The following GPAT3 variants were observed in gnomAD, a reference collection of about 807,000 sequenced individuals.
GPAT3 encodes the protein glycerol-3-phosphate acyltransferase 3.
GPAT3 carries 53 observed loss-of-function variants against 58.8 expected under a neutral mutation model. That is an observed-to-expected ratio of 0.90 (90% CI 0.72 to 1.13). The LOEUF (loss-of-function observed/expected upper bound fraction) is 1.13, where lower values mean the gene tolerates loss of function less well. Among genes scored for constraint, GPAT3 ranks in the 50% most tolerant of loss-of-function variants. The pLI is 0.00. For synonymous variants in GPAT3, 197 were observed against 187.4 expected (o/e 1.05, Z -0.42); for missense variants, 511 against 527.6 (o/e 0.97, Z 0.31).
chr4:83,538,701 C>T lies in GPAT3; in HGVS notation c.141+1938C>T, dbSNP rs142632918. Among the ~76,000 whole-genome samples, 962 of 152,274 alleles carry T rather than the reference C, an allele frequency of 6.3e-3. 5 individuals are homozygous for T. The highest frequency in any genetic ancestry group is 0.011 in the Non-Finnish European group (734 of 68,016). On this transcript the variant is annotated intron_variant, in intron 1 of 11. Transcript: ENST00000264409. The stretch of plus-strand genomic sequence containing the variant: ...ATTATTATACCTGATAGGATGATCT[C>T]CAGTCCAGGATCTGACTTTCAGTTT...
At position 83,604,952 on chromosome 4, in the gene GPAT3, A is replaced by T. The variant is rs1387754715; in HGVS notation, c.*185A>T. The T allele has an allele frequency of 1.8e-6, 1 of 550,820 alleles. No homozygotes were observed. The highest frequency in any genetic ancestry group is 3.1e-5 in the East Asian group (1 of 32,670). The allele number at this position is 550,820 out of a possible 1,614,324, so 34.1% of individuals were successfully genotyped here. ...CCTTTTTGGCTTTTGTTGTTGTTGT[A>T]ACATTAGCCCCATGGATTGTAAGGT... On this transcript the variant is annotated 3_prime_UTR_variant, in exon 12 of 12. Coordinates refer to ENST00000264409, the MANE Select transcript of GPAT3 (RefSeq NM_032717.5).
chr4:83,537,276 T>C (rs1724133633), intron 1 of GPAT3, among the ~76,000 whole-genome samples: 1 of 152,190 alleles, frequency 6.6e-6, no homozygotes. Flanking sequence ...AGTGGAGTCA[T>C]GGAAATTTTA....
intron 11 of GPAT3, among the ~76,000 whole-genome samples, 193 bp downstream of exon 11, chr4:83,598,916 A>AGTAG (rs1229807048): frequency 6.6e-6 from 1 of 151,550 alleles, no homozygotes; most frequent in African/African-American, 2.4e-5. Flanking sequence ...CAGCCTTCTG[A>AGTAG]GTAGCTGGGA....
intron 6 of GPAT3, among the ~76,000 whole-genome samples, chr4:83,591,100 T>C (rs767763076): frequency 6.6e-6 from 1 of 152,124 alleles, no homozygotes; most frequent in African/African-American, 2.4e-5. Context: ...TGGGTTGGGC[T>C]TCAGGGAGAG....
intron 2 of GPAT3, 77 bp from the exon 3 acceptor site, chr4:83,581,485 T>C: frequency 6.9e-7 from 1 of 1,458,666 alleles, no homozygotes; most frequent in Non-Finnish European, 9.3e-7. Flanking sequence ...ATTTAACTTC[T>C]ACACAGTTAA....
Position 83,579,069 on chromosome 4 carries a change from T to TC in GPAT3, c.209-2492dup, listed in dbSNP as rs1560621300. Among the ~76,000 whole-genome samples the TC allele has an allele frequency of 3.2e-3, 125 of 39,056 alleles. 15 individuals are homozygous for TC. Among genetic ancestry groups the TC allele is most frequent in the African/African-American group, 5.9e-3 (54 of 9,168 alleles). 25.6% of individuals were successfully genotyped at this position (39,056 alleles called of 152,430 possible). ...TTCTTTCTTTCTTTCTTTCTTTCTT[T>TC]CTTTCTTTCTTCCCTTCCTTCCTTC... On this transcript the variant is annotated intron_variant, in intron 2 of 11. Coordinates refer to ENST00000264409, the MANE Select transcript of GPAT3 (RefSeq NM_032717.5).
intron 6 of GPAT3, among the ~76,000 whole-genome samples, chr4:83,591,155 A>G (rs902887422): frequency 6.6e-6 from 1 of 152,088 alleles, no homozygotes; most frequent in Admixed American, 6.6e-5. Context: ...ATTGACAGCC[A>G]TGGTTTGGTG....
chr4:83,590,128 A>T, intron 5 of GPAT3, 71 bp from the exon 6 acceptor site: 1 of 1,404,424 alleles, frequency 7.1e-7, no homozygotes, highest in Non-Finnish European at 1.0e-6. Context: ...ACACTTAAAA[A>T]AGTAAGATGA....
At chr4:83,595,178 T>A (rs1578198553) in intron 7 of GPAT3, 1 of 417,408 alleles carries the variant, frequency 2.4e-6, no homozygotes, top group East Asian at 4.2e-5. Context: ...GGAAGGCCAA[T>A]GTATTTATAT....
intron 1 of GPAT3, among the ~76,000 whole-genome samples, chr4:83,537,388 A>G (rs1724138467): frequency 1.3e-5 from 2 of 152,082 alleles, no homozygotes; most frequent in African/African-American, 2.4e-5. Context: ...AAAATGTTAG[A>G]TGGAAGTAGG....
At chr4:83,572,553 G>A (rs1578181015) in intron 2 of GPAT3, among the ~76,000 whole-genome samples, 2 of 152,034 alleles carry the variant, frequency 1.3e-5, no homozygotes, top group African/African-American at 4.8e-5. Context: ...TATGAGCAAT[G>A]TAGAAAGGTA....
chr4:83,543,916 C>T, intron 1 of GPAT3, among the ~76,000 whole-genome samples: 1 of 152,198 alleles, frequency 6.6e-6, no homozygotes. Flanking sequence ...GCTGGGATTA[C>T]AGGCATGAGC....
At chr4:83,555,206 G>A (rs907699478) in intron 2 of GPAT3, among the ~76,000 whole-genome samples, 1 of 152,042 alleles carries the variant, frequency 6.6e-6, no homozygotes, top group Non-Finnish European at 1.5e-5. Flanking sequence ...AAAACCTTTG[G>A]CATCTCTGCA....
At chr4:83,560,453 T>A (rs531269845) in intron 2 of GPAT3, among the ~76,000 whole-genome samples, 1 of 152,202 alleles carries the variant, frequency 6.6e-6, no homozygotes, top group Admixed American at 6.5e-5. Flanking sequence ...TTAAGTGACA[T>A]CACAGTCATA....
In GPAT3 at chr4:83,594,942, G is replaced by A. The variant is rs267600279; in HGVS notation, c.836G>A (p.Arg279Gln). 6.4e-5 allele frequency: 103 copies of A among 1,613,596 alleles called. No homozygotes were observed. The highest frequency in any genetic ancestry group is 7.9e-5 in the Non-Finnish European group (93 of 1,179,718). ...VWFERSEMKD[R>Q]HLVTKRLKEH... ...TTTGAACGCTCAGAAATGAAGGATC[G>A]ACACCTGGTTACTAAGAGGTAAGCA... Residue 279 changes from arginine (R) to glutamine (Q), a missense_variant, in exon 7 of 12, where the codon CGA becomes CAA. Coordinates refer to ENST00000264409, the MANE Select transcript of GPAT3 (RefSeq NM_032717.5).
chr4:83,553,779 A>G (rs1246469693), intron 2 of GPAT3, among the ~76,000 whole-genome samples: 1 of 151,990 alleles, frequency 6.6e-6, no homozygotes, highest in East Asian at 1.9e-4. Context: ...CAGGAGTCTG[A>G]GGTGGGAAGA....
At chr4:83,541,277 C>G (rs1724293325) in intron 1 of GPAT3, among the ~76,000 whole-genome samples, 1 of 151,728 alleles carries the variant, frequency 6.6e-6, no homozygotes, top group Non-Finnish European at 1.5e-5. Context: ...GTCACCTAGC[C>G]TGGAGTGCAG....
intron 2 of GPAT3, among the ~76,000 whole-genome samples, chr4:83,551,569 G>A (rs896841879): frequency 3.3e-5 from 5 of 151,744 alleles, no homozygotes; most frequent in African/African-American, 4.8e-5. Flanking sequence ...TGAGGCGGGC[G>A]GATCACGAGG....
intron 6 of GPAT3, 139 bp from the exon 7 acceptor site, chr4:83,594,706 T>C: frequency 1.5e-6 from 1 of 653,126 alleles, no homozygotes; most frequent in East Asian, 2.7e-5. Context: ...TTTCAGACTA[T>C]TTGATCAGAC....
Sources: gnomAD v4.1 joint callset for allele counts (sites outside exome capture counted in the v4.1 genomes callset) on GRCh38, gnomAD v4.1.1 for gene constraint, MANE v1.5 for transcripts, NCBI Gene and HGNC (gene_info 2026-07-23, HGNC 2026-07-21) for gene names.